Variants in PLG observed in about 807,000 individuals in gnomAD.
PLG encodes plasmin.
A neutral mutation model predicts 104.4 loss-of-function variants in PLG; 41 were observed. The observed-to-expected ratio is 0.39, with a 90% CI of 0.31 to 0.51. The LOEUF (loss-of-function observed/expected upper bound fraction) is 0.51. PLG is among the 20% of genes least tolerant of loss of function. The pLI is 0.76. For missense variants in PLG, 891 were observed against 1,003.6 expected (o/e 0.89, Z 1.52); for synonymous variants, 337 against 357.1 (o/e 0.94, Z 0.63).
intron 3 of PLG, chr6:160,708,303 T>A (rs1206954968): frequency 6.5e-6 from 1 of 153,398 alleles, no homozygotes. Context: ...GGACATGGTC[T>A]ATATTTTTCT....
intron 17 of PLG, among the ~76,000 whole-genome samples, chr6:160,748,363 AG>A (rs1339771510): frequency 2.8e-5 from 1 of 36,118 alleles, no homozygotes; most frequent in African/African-American, 9.5e-5. Flanking sequence ...AAAGAAAGAA[AG>A]AAAGAAAGAA....
chr6:160,733,498 T>C (rs1326446567), intron 12 of PLG, among the ~76,000 whole-genome samples: 3 of 151,794 alleles, frequency 2.0e-5, no homozygotes, highest in African/African-American at 7.3e-5. Context: ...AGGACGGCTT[T>C]AGAGCATTCA....
At position 160,723,090 on chromosome 6, in the gene PLG, AGTGTGTATATATATGTACACATATAT is replaced by A. The variant is rs1186219955; in HGVS notation, c.1256+560_1256+585del. Among the ~76,000 whole-genome samples the A allele has an allele frequency of 1.1e-3, 167 of 146,082 alleles. No homozygotes were observed. Among genetic ancestry groups the A allele is most frequent in the African/African-American group, 3.6e-3 (133 of 36,468 alleles). On this transcript the variant is annotated intron_variant, in intron 10 of 18. Coordinates refer to ENST00000308192, the MANE Select transcript of PLG (RefSeq NM_000301.5). The surrounding 1 kb of genome is among the most constrained non-coding windows in gnomAD (Gnocchi z 4.7). ...ATGAGATATACAAGTATACATATAT[AGTGTGTATATATATGTACACATATAT>A]GTGTGTATATATATGTACACATATA... is the stretch of plus-strand genomic sequence containing the variant.
At chr6:160,729,126 A>G (rs1236386597) in intron 10 of PLG, among the ~76,000 whole-genome samples, 2 of 150,250 alleles carry the variant, frequency 1.3e-5, no homozygotes, top group Non-Finnish European at 3.0e-5. Context: ...AACGATGGAC[A>G]GATGGACAAT....
intron 17 of PLG, among the ~76,000 whole-genome samples, chr6:160,750,650 T>A (rs9458022): frequency 0.2 from 30,722 of 152,254 alleles, 3,591 homozygotes; most frequent in Non-Finnish European, 0.27. Context: ...GGGATGAGCC[T>A]CTTCCATGCT....
intron 5 of PLG, chr6:160,713,519 T>G (rs1440439418): frequency 1.7e-5 from 4 of 240,828 alleles, no homozygotes; most frequent in East Asian, 9.9e-5. Flanking sequence ...TCCGCCTGCC[T>G]CAGCCTCTCA....
At chr6:160,705,342 CT>C (rs1484957009) in intron 1 of PLG, 3 of 150,902 alleles carry the variant, frequency 2.0e-5, no homozygotes, top group African/African-American at 7.4e-5. Flanking sequence ...TGGCCACCCT[CT>C]GCCACGACCA....
chr6:160,713,394 C>G, intron 5 of PLG: 2 of 398,712 alleles, frequency 5.0e-6, no homozygotes, highest in Non-Finnish European at 9.5e-6. Flanking sequence ...CTCAGCCTCC[C>G]AAGTAGCTGG....
intron 3 of PLG, among the ~76,000 whole-genome samples, chr6:160,710,628 C>A (rs1202541277): frequency 6.6e-6 from 1 of 152,188 alleles, no homozygotes; most frequent in Non-Finnish European, 1.5e-5. Context: ...GGTTGGATCT[C>A]TTTCAGCCTC....
rs1185834596 is a variant in PLG at position 160,719,222 on chromosome 6, C to T, written c.1096+384C>T. ...TTTAACTGTAAATTAGTCTATTTCT[C>T]TTTTAGATCGTAACTCTTTTGTATA... is the stretch of plus-strand genomic sequence containing the variant. On this transcript the variant is annotated intron_variant, in intron 9 of 18. Transcript: ENST00000308192. The surrounding 1 kb of genome is among the most constrained non-coding windows in gnomAD (Gnocchi z 4.1). 2.0e-5 allele frequency among the ~76,000 whole-genome samples: 3 copies of T among 152,144 alleles called. No homozygotes were observed. The highest frequency in any genetic ancestry group is 4.4e-5 in the Non-Finnish European group (3 of 68,028).
At position 160,718,438 on chromosome 6, in the gene PLG, C is replaced by A; in HGVS notation, c.932C>A (p.Pro311Gln). The A allele has an allele frequency of 6.2e-7, 1 of 1,613,448 alleles. No individual in the cohort carries two copies. Among genetic ancestry groups the A allele is most frequent in the South Asian group, 1.1e-5 (1 of 91,056 alleles). ...ACCCCTCACACACATAACAGGACACCAGAAAACTTCCCCTGCAAGTAAGTC... is the reference window on the plus strand; with the variant it reads ...ACCCCTCACACACATAACAGGACACAAGAAAACTTCCCCTGCAAGTAAGTC... ...AQTPHTHNRT[P>Q]ENFPCKNLDE... is the part of the protein sequence containing the mutation. Residue 311 changes from proline to glutamine, a missense_variant, in exon 8 of 19, where the codon CCA becomes CAA. This residue lies in a region of PLG where 854 missense variants were observed against 932.1 expected (regional missense o/e 0.92). Transcript: ENST00000308192.
Position 160,752,353 on chromosome 6 carries a change from G to T in PLG, c.2271+93G>T. The stretch of plus-strand genomic sequence containing the variant: ...TCATTCCCCAGGTGGCAAATTCAAG[G>T]ATTTTCAACCGAAGACCCCAGTCTA... On this transcript the variant is annotated intron_variant, in intron 18 of 18. Coordinates refer to ENST00000308192, the MANE Select transcript of PLG (RefSeq NM_000301.5). This position sits in a 1 kb window ranked among gnomAD's most constrained non-coding sequence, Gnocchi z 4.7. 5.9e-6 allele frequency: 7 copies of T among 1,193,230 alleles called. No homozygotes were observed. Among genetic ancestry groups the T allele is most frequent in the Non-Finnish European group, 8.7e-6 (7 of 800,872 alleles). The allele number at this position is 1,193,230 out of a possible 1,614,324, so 73.9% of individuals were successfully genotyped here. A position where few individuals can be genotyped will look rare whatever the true frequency, so the allele number is the denominator to read the frequency against.
chr6:160,747,949 G>A (rs1778304796), intron 17 of PLG, among the ~76,000 whole-genome samples: 1 of 152,178 alleles, frequency 6.6e-6, no homozygotes, highest in South Asian at 2.1e-4. Flanking sequence ...TGTGTGGGAT[G>A]GTACAGACTA....
At chr6:160,722,331 T>C in intron 9 of PLG, 77 bp from the exon 10 acceptor site, 2 of 987,526 alleles carry the variant, frequency 2.0e-6, no homozygotes. Flanking sequence ...GCTACCGTAC[T>C]GTTTTTGTCA....
rs1224977761 is a variant in PLG, at chr6:160,741,850, C to G, written c.2125+433C>G. ...CAAGTAGGCCCCAGTGTCTGTTGCT[C>G]TCTTCTTTGTGTCCATGAGTTCTCA... On this transcript the variant is annotated intron_variant, in intron 17 of 18. Transcript: ENST00000308192. This position sits in a 1 kb window ranked among gnomAD's most constrained non-coding sequence, Gnocchi z 4.7. 2.0e-5 allele frequency among the ~76,000 whole-genome samples: 3 copies of G among 152,124 alleles called. No homozygotes were observed. Among genetic ancestry groups the G allele is most frequent in the Non-Finnish European group, 4.4e-5 (3 of 68,032 alleles).
chr6:160,752,873 C>T lies in PLG; in HGVS notation c.2272-27C>T, dbSNP rs1161775490. ...TAAAAGGCAGGCAGCCTAACCCTCACATGCATTTTTCTCTCCCTCTGTATA... is the reference window on the plus strand; with the variant it reads ...TAAAAGGCAGGCAGCCTAACCCTCATATGCATTTTTCTCTCCCTCTGTATA... On this transcript the variant is annotated intron_variant, in intron 18 of 18. Coordinates refer to ENST00000308192, the MANE Select transcript of PLG (RefSeq NM_000301.5). This position sits in a 1 kb window ranked among gnomAD's most constrained non-coding sequence, Gnocchi z 4.7. 1 of 1,612,722 alleles carries T rather than the reference C, an allele frequency of 6.2e-7. No homozygotes were observed. The highest frequency in any genetic ancestry group is 1.7e-5 in the Admixed American group (1 of 60,024).
chr6:160,743,516 T>C (rs569217961), intron 17 of PLG, among the ~76,000 whole-genome samples: 6 of 152,236 alleles, frequency 3.9e-5, no homozygotes, highest in Non-Finnish European at 8.8e-5. Context: ...TTTTATATCC[T>C]GAAACTTTGC....
intron 17 of PLG, among the ~76,000 whole-genome samples, chr6:160,745,949 T>C (rs1293828625): frequency 6.6e-6 from 1 of 152,216 alleles, no homozygotes; most frequent in African/African-American, 2.4e-5. Flanking sequence ...ATATTGAATA[T>C]AGGCCCCAAT....
intron 4 of PLG, among the ~76,000 whole-genome samples, chr6:160,712,619 G>A (rs4252092): frequency 0.35 from 53,564 of 152,112 alleles, 9,906 homozygotes; most frequent in East Asian, 0.45. Context: ...AGTTCACATG[G>A]ACAAAATGGT....
Sources: allele counts gnomAD v4.1 joint callset (sites outside exome capture counted in the v4.1 genomes callset), GRCh38; gene constraint gnomAD v4.1.1; regional missense constraint gnomAD v4.1.1; non-coding constraint Gnocchi (gnomAD v3.1); transcripts MANE v1.5; gene names NCBI Gene and HGNC (gene_info 2026-07-23, HGNC 2026-07-21).